The following EYS variants were observed in gnomAD, a reference collection of about 807,000 sequenced individuals.
The protein encoded by EYS is EGF-like photoreceptor maintenance factor.
EYS carries 250 observed loss-of-function variants against 282.1 expected under a neutral mutation model. The ratio of observed to expected loss-of-function variants is 0.89; its 90% CI spans 0.80 to 0.98. EYS has a LOEUF of 0.98. EYS is among the 50% of genes least tolerant of loss of function. The probability of loss-of-function intolerance (pLI) is 0.00; values close to 1 mark genes in which losing one functional copy is unlikely to be tolerated. For missense variants in EYS, 4,016 were observed against 3,709.0 expected (o/e 1.08, Z -2.15); for synonymous variants, 1,355 against 1,282.9 (o/e 1.06, Z -1.20).
intron 12 of EYS, among the ~76,000 whole-genome samples, chr6:65,065,470 C>A (rs1209462248): frequency 6.6e-6 from 1 of 151,422 alleles, no homozygotes; most frequent in African/African-American, 2.4e-5. Flanking sequence ...GCAAGCTCCA[C>A]CTCCCGGGTT....
chr6:64,903,874 C>G (rs938566505), intron 16 of EYS, among the ~76,000 whole-genome samples: 1 of 152,098 alleles, frequency 6.6e-6, no homozygotes, highest in African/African-American at 2.4e-5. Context: ...CTTATAAAAT[C>G]TGGCTGCCTC....
chr6:65,056,954 A>G (rs926259810), intron 13 of EYS, among the ~76,000 whole-genome samples: 2 of 152,040 alleles, frequency 1.3e-5, no homozygotes, highest in Admixed American at 6.6e-5. Flanking sequence ...TACATTTTTC[A>G]TAAGTAATTA....
At chr6:64,906,681 C>G (rs760245878) in intron 16 of EYS, among the ~76,000 whole-genome samples, 2 of 152,168 alleles carry the variant, frequency 1.3e-5, no homozygotes, top group Non-Finnish European at 2.9e-5. Context: ...ACTGCAGCTC[C>G]TTGTGAGGCA....
chr6:64,295,995 G>A (rs1215198009), intron 30 of EYS, among the ~76,000 whole-genome samples: 1 of 152,142 alleles, frequency 6.6e-6, no homozygotes, highest in African/African-American at 2.4e-5. Context: ...TATTTTGGCA[G>A]CAAAAAATTG....
rs557632854 is a variant in EYS, at chr6:64,487,802, A to G, written c.5645-48450T>C. Among the ~76,000 whole-genome samples the G allele has an allele frequency of 2.0e-5, 3 of 151,164 alleles. No individual in the cohort carries two copies. The Admixed American group carries it at 2.0e-4, about 10-fold the overall frequency. ...TATTTTTTAATTTATATCAATACCT[A>G]TTATTTGAGTATTTACTATGTGTTA... On this transcript the variant is annotated intron_variant, in intron 26 of 42. Coordinates refer to ENST00000503581, the MANE Select transcript of EYS (RefSeq NM_001142800.2).
chr6:65,407,118 G>A (rs1196375244), intron 5 of EYS, among the ~76,000 whole-genome samples: 1 of 151,930 alleles, frequency 6.6e-6, no homozygotes, highest in African/African-American at 2.4e-5. Flanking sequence ...CATTTCTTTG[G>A]CTATTCTTGC....
intron 33 of EYS, among the ~76,000 whole-genome samples, chr6:63,999,962 G>GT (rs1448151535): frequency 7.9e-5 from 12 of 152,036 alleles, no homozygotes; most frequent in Non-Finnish European, 1.8e-4. Context: ...CTGTTATAAA[G>GT]TTTATTTCGT....
intron 23 of EYS, among the ~76,000 whole-genome samples, chr6:64,625,672 A>G (rs1022469602): frequency 2.0e-5 from 3 of 152,252 alleles, no homozygotes; most frequent in African/African-American, 7.2e-5. Context: ...AGGGAGACAC[A>G]AATATTTAGA....
chr6:64,591,879 TG>T lies in EYS; in HGVS notation c.3987del (p.Thr1330LeufsTer22). 3.2e-6 allele frequency: 5 copies of T among 1,551,086 alleles called. No individual in the cohort carries two copies. The African/African-American group carries it at 6.8e-5, about 21-fold the overall frequency. On this transcript the variant is annotated frameshift_variant, in exon 26 of 43. Coordinates refer to ENST00000503581, the MANE Select transcript of EYS (RefSeq NM_001142800.2). LOFTEE classifies it high-confidence loss of function. ...CTGTGTTTTGCTGAAAGCTCTCTAGTGACAATCAGTTCTTGGAGTAAGTAGC... is the reference window on the plus strand; with the variant it reads ...CTGTGTTTTGCTGAAAGCTCTCTAGTACAATCAGTTCTTGGAGTAAGTAGC... ...LESYLLQELI[V>X]TRELSAKHSL... is the part of the protein sequence containing the mutation.
intron 1 of EYS, among the ~76,000 whole-genome samples, chr6:65,687,526 T>TGAGAGG (rs1342987893): frequency 7.4e-4 from 113 of 151,962 alleles, no homozygotes; most frequent in Non-Finnish European, 1.5e-3. Context: ...ATAAAGATTA[T>TGAGAGG]GTGGGATGCC....
At chr6:64,555,189 T>C (rs2149808161) in intron 26 of EYS, among the ~76,000 whole-genome samples, 1 of 151,830 alleles carries the variant, frequency 6.6e-6, no homozygotes, top group Middle Eastern at 3.4e-3. Flanking sequence ...CACACACCAC[T>C]TATAAAGAAG....
intron 28 of EYS, among the ~76,000 whole-genome samples, chr6:64,395,207 T>A (rs942124615): frequency 6.6e-6 from 1 of 152,090 alleles, no homozygotes; most frequent in East Asian, 1.9e-4. Flanking sequence ...GTTCAACCAT[T>A]GTGGAAGTCA....
intron 5 of EYS, among the ~76,000 whole-genome samples, chr6:65,465,967 TATCAATCAATCAATCA>T (rs34867855): frequency 2.0e-5 from 3 of 150,562 alleles, no homozygotes; most frequent in East Asian, 2.0e-4. Context: ...TAAGACCCTG[TATCAATCAATCAATCA>T]ATCAATCAAT....
chr6:65,683,417 T>C (rs1425344861), intron 1 of EYS, among the ~76,000 whole-genome samples: 1 of 151,684 alleles, frequency 6.6e-6, no homozygotes, highest in Non-Finnish European at 1.5e-5. Flanking sequence ...TTTCCCCTAT[T>C]GCAATAGTCT....
At chr6:64,540,362 G>A (rs1764663020) in intron 26 of EYS, among the ~76,000 whole-genome samples, 2 of 151,990 alleles carry the variant, frequency 1.3e-5, no homozygotes, top group Admixed American at 6.6e-5. Context: ...GGTAACAGAC[G>A]CCTGTTCAGA....
chr6:64,433,166 C>A (rs1006939187), intron 28 of EYS, among the ~76,000 whole-genome samples: 2 of 151,986 alleles, frequency 1.3e-5, no homozygotes, highest in African/African-American at 4.8e-5. Context: ...GGGCCTAGCA[C>A]AATTTTGCTG....
In EYS at chr6:65,375,919, T is replaced by A. The variant is rs1483574648; in HGVS notation, c.1299+8467A>T. ...TATGATTGACTGGGGTCCCTTAAAGTCATGGGGAGAATGGAAGCAAGTTGG... is the reference window on the plus strand; with the variant it reads ...TATGATTGACTGGGGTCCCTTAAAGACATGGGGAGAATGGAAGCAAGTTGG... On this transcript the variant is annotated intron_variant, in intron 8 of 42. Coordinates refer to ENST00000503581, the MANE Select transcript of EYS (RefSeq NM_001142800.2). 2.0e-5 allele frequency among the ~76,000 whole-genome samples: 3 copies of A among 152,024 alleles called. No homozygotes were observed. In the East Asian group the frequency reaches 5.8e-4, roughly 29 times the overall value.
intron 35 of EYS, among the ~76,000 whole-genome samples, chr6:63,930,339 T>C (rs1045714482): frequency 7.0e-6 from 1 of 143,292 alleles, no homozygotes; most frequent in Non-Finnish European, 1.5e-5. Context: ...TACATTCAGT[T>C]TTGTAACCTT....
chr6:64,990,456 G>A (rs764393220), intron 14 of EYS, among the ~76,000 whole-genome samples: 36 of 151,436 alleles, frequency 2.4e-4, no homozygotes, highest in Non-Finnish European at 3.8e-4. Flanking sequence ...AAATAATAAC[G>A]GTAAAGTGCA....
Sources: allele counts gnomAD v4.1 joint callset (sites outside exome capture counted in the v4.1 genomes callset), GRCh38; gene constraint gnomAD v4.1.1; transcripts MANE v1.5; gene names NCBI Gene and HGNC (gene_info 2026-07-23, HGNC 2026-07-21).